The following CACNA1B variants were observed in gnomAD, a reference collection of about 807,000 sequenced individuals.
CACNA1B encodes the protein voltage-dependent N-type calcium channel subunit alpha-1B.
CACNA1B carries 70 observed loss-of-function variants against 247.2 expected under a neutral mutation model. The ratio of observed to expected loss-of-function variants is 0.28; its 90% CI spans 0.23 to 0.35. The LOEUF is 0.35. Among genes scored for constraint, CACNA1B ranks in the 10% least tolerant of loss-of-function variants. The pLI is 1.00. For synonymous variants in CACNA1B, 1,231 were observed against 1,294.4 expected (o/e 0.95, Z 1.05); for missense variants, 2,367 against 3,197.4 (o/e 0.74, Z 6.26).
chr9:138,024,883 C>A, intron 19 of CACNA1B, 72 bp from the exon 20 acceptor site: 1 of 1,081,510 alleles, frequency 9.2e-7, no homozygotes, highest in Non-Finnish European at 1.4e-6. Flanking sequence ...ATCCTCCTGC[C>A]TCTGCCTCCC....
intron 44 of CACNA1B, 47 bp downstream of exon 44, chr9:138,118,815 G>A (rs201274517): frequency 8.7e-6 from 7 of 807,604 alleles, no homozygotes; most frequent in African/African-American, 7.0e-5. Flanking sequence ...CAAGTGGGGG[G>A]TGGGGAAGTG....
At chr9:138,093,755 AAATT>A in intron 36 of CACNA1B, among the ~76,000 whole-genome samples, 1 of 152,088 alleles carries the variant, frequency 6.6e-6, no homozygotes, top group East Asian at 1.9e-4. Flanking sequence ...AAAAACTAAT[AAATT>A]AATTAAATTA....
chr9:137,954,217 C>T lies in CACNA1B; in HGVS notation c.1071-1481C>T, dbSNP rs962068972. Among the ~76,000 whole-genome samples the T allele has an allele frequency of 6.6e-6, 1 of 152,206 alleles. No individual in the cohort carries two copies. The highest frequency in any genetic ancestry group is 1.5e-5 in the Non-Finnish European group (1 of 68,038). On this transcript the variant is annotated intron_variant, in intron 7 of 46. Transcript: ENST00000371372. This position sits in a 1 kb window ranked among gnomAD's most constrained non-coding sequence, Gnocchi z 4.1. ...TGGCACCCCCCATGTGGGTCCTGCA[C>T]CCCGGGGTGGCAGTGGTGAGAGGCC...
chr9:137,992,378 A>G (rs1252451327), intron 15 of CACNA1B, among the ~76,000 whole-genome samples: 1 of 152,258 alleles, frequency 6.6e-6, no homozygotes, highest in Non-Finnish European at 1.5e-5. Flanking sequence ...CTTGTCCAAC[A>G]GGAAAATATC....
At chr9:137,923,217 G>GTGGTGCCAGGTGGTATTCCA (rs1564191159) in intron 6 of CACNA1B, among the ~76,000 whole-genome samples, 1 of 147,306 alleles carries the variant, frequency 6.8e-6, no homozygotes, top group Admixed American at 6.7e-5. Context: ...GTGGTATTCC[G>GTGGTGCCAGGTGGTATTCCA]TGGTGCCAGG....
At chr9:138,053,767 C>A in intron 25 of CACNA1B, 79 bp from the exon 26 acceptor site, 4 of 1,020,664 alleles carry the variant, frequency 3.9e-6, no homozygotes, top group Admixed American at 1.9e-5. Context: ...CTCCCCGTGA[C>A]CCTACCCTTC....
chr9:138,045,126 G>A (rs1418247479), intron 21 of CACNA1B, among the ~76,000 whole-genome samples: 1 of 152,236 alleles, frequency 6.6e-6, no homozygotes, highest in East Asian at 1.9e-4. Flanking sequence ...GGAGGAACTA[G>A]CGGAGCATTC....
In CACNA1B at chr9:137,936,034, T is replaced by C. The variant is rs139665646; in HGVS notation, c.967-16240T>C. Among the ~76,000 whole-genome samples the C allele has an allele frequency of 9.6e-3, 1,461 of 152,278 alleles. 8 individuals carry two copies. The highest frequency in any genetic ancestry group is 0.012 in the South Asian group (60 of 4,822). Reference sequence around the variant, plus strand: ...ACCACGCCCGGCTAATTTTTGGTATTTTTTAGTAGAGACGGGGTTTCACCG... The same window carrying C: ...ACCACGCCCGGCTAATTTTTGGTATCTTTTAGTAGAGACGGGGTTTCACCG... On this transcript the variant is annotated intron_variant, in intron 6 of 46. Coordinates refer to ENST00000371372, the MANE Select transcript of CACNA1B (RefSeq NM_000718.4).
chr9:137,920,914 T>C lies in CACNA1B; in HGVS notation c.966+3483T>C, dbSNP rs11137303. ...GAGACACGAATTTACTTAGTTTTGT[T>C]ATAGCAGAGGGTGGTGGCGGAACTC... On this transcript the variant is annotated intron_variant, in intron 6 of 46. Transcript: ENST00000371372. 8.8e-3 allele frequency among the ~76,000 whole-genome samples: 1,340 copies of C among 152,298 alleles called. 80 individuals carry two copies. In the East Asian group the frequency reaches 0.15, roughly 17 times the overall value.
chr9:137,935,267 T>C (rs139243423), intron 6 of CACNA1B, among the ~76,000 whole-genome samples: 1 of 152,006 alleles, frequency 6.6e-6, no homozygotes, highest in Non-Finnish European at 1.5e-5. Context: ...CCCCACCCCA[T>C]GACAGGCTCC....
intron 16 of CACNA1B, among the ~76,000 whole-genome samples, chr9:138,008,110 A>G (rs1461165528): frequency 6.6e-6 from 1 of 152,196 alleles, no homozygotes; most frequent in African/African-American, 2.4e-5. Flanking sequence ...GAGGGGCTCC[A>G]GAGAGCCTGA....
intron 12 of CACNA1B, 34 bp from the exon 13 acceptor site, chr9:137,984,104 C>T (rs201979726): frequency 4.0e-4 from 581 of 1,466,890 alleles, no homozygotes; most frequent in Middle Eastern, 8.6e-4. Flanking sequence ...GGTGCAGATA[C>T]GGTGCACCCA....
intron 39 of CACNA1B, 40 bp from the exon 40 acceptor site, chr9:138,112,358 T>C: frequency 6.8e-7 from 1 of 1,478,510 alleles, no homozygotes; most frequent in South Asian, 1.1e-5. Flanking sequence ...GCTCCTAACA[T>C]CTCTGTCTTT....
intron 42 of CACNA1B, among the ~76,000 whole-genome samples, chr9:138,116,190 T>G (rs906085574): frequency 2.0e-5 from 3 of 152,204 alleles, no homozygotes; most frequent in Non-Finnish European, 1.5e-5. Context: ...TTTCTGTCAA[T>G]GGCCTTCTAC....
At chr9:138,064,078 T>C (rs552912011) in intron 31 of CACNA1B, among the ~76,000 whole-genome samples, 2 of 152,340 alleles carry the variant, frequency 1.3e-5, no homozygotes, top group Non-Finnish European at 2.9e-5. Flanking sequence ...ATTGGTGTCC[T>C]GGCCCCTGCG....
intron 36 of CACNA1B, among the ~76,000 whole-genome samples, chr9:138,084,924 C>A (rs1960644895): frequency 6.7e-6 from 1 of 149,286 alleles, no homozygotes; most frequent in African/African-American, 2.5e-5. Context: ...TGCACTCCAG[C>A]CTGGGTGACA....
intron 3 of CACNA1B, among the ~76,000 whole-genome samples, chr9:137,906,602 G>GATGTC (rs1957302052): frequency 1.3e-5 from 2 of 152,162 alleles, no homozygotes; most frequent in African/African-American, 4.8e-5. Context: ...ATCCCTGTGT[G>GATGTC]ATGTCTTAAC....
intron 31 of CACNA1B, among the ~76,000 whole-genome samples, chr9:138,069,442 G>A (rs1960041754): frequency 6.6e-6 from 1 of 152,172 alleles, no homozygotes; most frequent in Admixed American, 6.5e-5. Context: ...ATGCCACCTT[G>A]TCTGCATAAC....
At position 138,085,558 on chromosome 9, in the gene CACNA1B, A is replaced by G. The variant is rs184335438; in HGVS notation, c.5094+7300A>G. ...AACAGTCCCCCAATAGATTCAACCA[A>G]AAAGGTTCTCCCCGGGACATGTTAT... On this transcript the variant is annotated intron_variant, in intron 36 of 46. Coordinates refer to ENST00000371372, the MANE Select transcript of CACNA1B (RefSeq NM_000718.4). Among the ~76,000 whole-genome samples, 27 of 151,382 alleles carry G rather than the reference A, an allele frequency of 1.8e-4. 1 individual carries two copies. The East Asian group carries it at 4.1e-3, about 23-fold the overall frequency.
Sources: allele counts gnomAD v4.1 joint callset (sites outside exome capture counted in the v4.1 genomes callset), GRCh38; gene constraint gnomAD v4.1.1; non-coding constraint Gnocchi (gnomAD v3.1); transcripts MANE v1.5; gene names NCBI Gene and HGNC (gene_info 2026-07-23, HGNC 2026-07-21).